ANKRD33B: variants seen among roughly 807,000 people sequenced by gnomAD.
The protein encoded by ANKRD33B is ankyrin repeat domain-containing protein 33B.
Under a neutral mutation model 21.5 loss-of-function variants are expected in ANKRD33B, and 6 were observed. That is an observed-to-expected ratio of 0.28 (90% confidence interval 0.15 to 0.55). The LOEUF (loss-of-function observed/expected upper bound fraction) is 0.55. Among genes scored for constraint, ANKRD33B ranks in the 20% least tolerant of loss-of-function variants. ANKRD33B has a pLI of 0.94. For synonymous variants in ANKRD33B, 347 were observed against 342.4 expected, an observed-to-expected ratio of 1.01 and a Z score of -0.15; for missense variants, 698 against 747.2, an observed-to-expected ratio of 0.93 and a Z score of 0.77.
At chr5:10,588,234 G>A (rs1468255713) in intron 1 of ANKRD33B, among the ~76,000 whole-genome samples, 3 of 152,172 alleles carry the variant, frequency 2.0e-5, no homozygotes, top group Non-Finnish European at 4.4e-5. Context: ...TATAACTTTA[G>A]CGACATTTAA....
intron 1 of ANKRD33B, among the ~76,000 whole-genome samples, chr5:10,568,163 A>T (rs1387641406): frequency 6.6e-6 from 1 of 152,254 alleles, no homozygotes; most frequent in Non-Finnish European, 1.5e-5. Flanking sequence ...CTTCTAAAAT[A>T]TTTATTGCTC....
rs1445679379 is a variant in ANKRD33B at position 10,649,257 on chromosome 5, G to A, written c.638-9G>A. ...CCACCCACTTCTGTTTGTGTTTTGC[G>A]TTTTGCAGGGGCGGATGTCCACGCG... On this transcript the variant is annotated splice_polypyrimidine_tract_variant and intron_variant, in intron 3 of 3. Transcript: ENST00000296657. The A allele has an allele frequency of 3.3e-6, 5 of 1,512,978 alleles. No individual in the cohort carries two copies. The highest frequency in any genetic ancestry group is 2.0e-5 in the Admixed American group (1 of 49,920). 93.7% of individuals were successfully genotyped at this position (1,512,978 alleles called of 1,614,324 possible).
intron 3 of ANKRD33B, among the ~76,000 whole-genome samples, chr5:10,647,577 T>G (rs1325459393): frequency 6.6e-6 from 1 of 152,048 alleles, no homozygotes; most frequent in Non-Finnish European, 1.5e-5. Flanking sequence ...CTGGGGAGAT[T>G]TATTAAGGGA....
chr5:10,610,787 G>T (rs1392956022), intron 1 of ANKRD33B, among the ~76,000 whole-genome samples: 1 of 152,206 alleles, frequency 6.6e-6, no homozygotes, highest in African/African-American at 2.4e-5. Context: ...GCTCACGTCT[G>T]TAATCCCGGC....
chr5:10,624,944 A>C (rs988056534), intron 2 of ANKRD33B: 10 of 371,940 alleles, frequency 2.7e-5, no homozygotes, highest in African/African-American at 2.1e-4. Context: ...GGCTGATGCC[A>C]CTGGCCCAGG....
At chr5:10,625,497 A>C (rs1470676044) in intron 2 of ANKRD33B, among the ~76,000 whole-genome samples, 1 of 152,000 alleles carries the variant, frequency 6.6e-6, no homozygotes, top group Non-Finnish European at 1.5e-5. Flanking sequence ...ATTAATCTAG[A>C]AGCTCCTGCT....
rs1285165834 is a variant in ANKRD33B, at chr5:10,649,328, A to G, written c.700A>G (p.Thr234Ala). The G allele has an allele frequency of 1.3e-6, 2 of 1,534,380 alleles. No homozygotes were observed. The highest frequency in any genetic ancestry group is 2.0e-5 in the Admixed American group (1 of 50,974). ...GMSPQEWATY[T>A]GRVDAVRLMQ... ...GTCGCCGCAGGAGTGGGCCACTTAC[A>G]CGGGCCGCGTGGATGCCGTCCGTCT... The change falls in exon 4 of 4, where the codon ACG (threonine) becomes GCG (alanine). Residue 234 changes from threonine to alanine, a missense_variant. By Grantham distance (58) the Thr-to-Ala change is moderately conservative (BLOSUM62 0). Transcript: ENST00000296657.
chr5:10,648,245 C>A (rs549417367), intron 3 of ANKRD33B, among the ~76,000 whole-genome samples: 3 of 152,190 alleles, frequency 2.0e-5, no homozygotes, highest in African/African-American at 7.2e-5. Context: ...CCAGCTAGGC[C>A]GCAGTGGGAG....
chr5:10,568,144 A>G (rs1296313713), intron 1 of ANKRD33B, among the ~76,000 whole-genome samples: 2 of 152,216 alleles, frequency 1.3e-5, no homozygotes, highest in African/African-American at 4.8e-5. Flanking sequence ...GGCTCAGCAC[A>G]CCATTTTCCT....
intron 1 of ANKRD33B, among the ~76,000 whole-genome samples, chr5:10,593,252 A>G (rs936324864): frequency 1.3e-5 from 2 of 152,214 alleles, no homozygotes; most frequent in African/African-American, 2.4e-5. Flanking sequence ...TCTGTGCAGT[A>G]ACATATTTTA....
At chr5:10,591,210 T>TTTTTTTTTTTG (rs1735681053) in intron 1 of ANKRD33B, among the ~76,000 whole-genome samples, 1 of 139,324 alleles carries the variant, frequency 7.2e-6, no homozygotes, top group Admixed American at 7.5e-5. Flanking sequence ...TTTTTTTTTT[T>TTTTTTTTTTTG]GAGATGGAGT....
chr5:10,638,227 T>C, intron 3 of ANKRD33B, 59 bp downstream of exon 3: 8 of 1,508,002 alleles, frequency 5.3e-6, no homozygotes, highest in East Asian at 2.5e-5. Context: ...GTTGCTCCTT[T>C]ATGGAATATG....
chr5:10,621,823 A>G (rs1165199879), intron 2 of ANKRD33B, among the ~76,000 whole-genome samples: 2 of 152,198 alleles, frequency 1.3e-5, no homozygotes, highest in African/African-American at 4.8e-5. Flanking sequence ...TCAAATTCAT[A>G]TGTTAAAACC....
intron 1 of ANKRD33B, among the ~76,000 whole-genome samples, chr5:10,614,761 C>T (rs547043666): frequency 6.6e-6 from 1 of 152,240 alleles, no homozygotes; most frequent in African/African-American, 2.4e-5. Context: ...GTGGCAGGCA[C>T]CTGTAGTCCT....
At chr5:10,626,037 G>A (rs1267938761) in intron 2 of ANKRD33B, among the ~76,000 whole-genome samples, 1 of 152,204 alleles carries the variant, frequency 6.6e-6, no homozygotes, top group African/African-American at 2.4e-5. Context: ...AGGCAGCCTC[G>A]GCCTAGAACC....
At chr5:10,626,191 G>T (rs1204012092) in intron 2 of ANKRD33B, among the ~76,000 whole-genome samples, 1 of 152,244 alleles carries the variant, frequency 6.6e-6, no homozygotes, top group Non-Finnish European at 1.5e-5. Flanking sequence ...ACCTCATTGG[G>T]GCGGAAACTG....
At chr5:10,622,616 G>A (rs1417033997) in intron 2 of ANKRD33B, among the ~76,000 whole-genome samples, 1 of 152,014 alleles carries the variant, frequency 6.6e-6, no homozygotes, top group Non-Finnish European at 1.5e-5. Context: ...TTTGAAAAAT[G>A]TTCTTTTGCT....
chr5:10,647,425 C>G (rs1393256366), intron 3 of ANKRD33B, among the ~76,000 whole-genome samples: 1 of 152,104 alleles, frequency 6.6e-6, no homozygotes, highest in African/African-American at 2.4e-5. Context: ...TGATTTTTAA[C>G]AGTATGTGGG....
intron 1 of ANKRD33B, among the ~76,000 whole-genome samples, chr5:10,577,080 C>A (rs1293092934): frequency 6.6e-6 from 1 of 151,638 alleles, no homozygotes; most frequent in Non-Finnish European, 1.5e-5. Context: ...CTTCCCTTTC[C>A]CCTTTCCCTT....
Sources: gnomAD v4.1 joint callset for allele counts (sites outside exome capture counted in the v4.1 genomes callset) on GRCh38, gnomAD v4.1.1 for gene constraint, MANE v1.5 for transcripts, NCBI Gene and HGNC (gene_info 2026-07-23, HGNC 2026-07-21) for gene names.